TSHZ2: variants seen among roughly 807,000 people sequenced by gnomAD.
The protein encoded by TSHZ2 is teashirt zinc finger homeobox 2, also known as teashirt homolog 2.
Under a neutral mutation model 74.4 loss-of-function variants are expected in TSHZ2, and 21 were observed. That is an observed-to-expected ratio of 0.28 (90% CI 0.20 to 0.41). The LOEUF (loss-of-function observed/expected upper bound fraction) is 0.41. Among genes scored for constraint, TSHZ2 ranks in the 10% least tolerant of loss-of-function variants. The probability of loss-of-function intolerance (pLI) is 1.00; values close to 1 mark genes in which losing one functional copy is unlikely to be tolerated. For synonymous variants in TSHZ2, 540 were observed against 515.3 expected, an observed-to-expected ratio of 1.05 and a Z score of -0.65; for missense variants, 1,244 against 1,293.5, an observed-to-expected ratio of 0.96 and a Z score of 0.59.
At chr20:53,169,148 C>A (rs1988130114) in intron 1 of TSHZ2, among the ~76,000 whole-genome samples, 1 of 152,174 alleles carries the variant, frequency 6.6e-6, no homozygotes, top group South Asian at 2.1e-4. Flanking sequence ...ATCTAGGACT[C>A]ACTGGTCTCA....
chr20:53,266,319 G>T (rs1990715919), intron 2 of TSHZ2, among the ~76,000 whole-genome samples: 1 of 152,098 alleles, frequency 6.6e-6, no homozygotes. Context: ...CTGGAAACAA[G>T]AAGTTCAATT....
chr20:53,362,556 G>C (rs73278212), intron 2 of TSHZ2, among the ~76,000 whole-genome samples: 1 of 152,106 alleles, frequency 6.6e-6, no homozygotes. Flanking sequence ...ACTGTACTTC[G>C]TTCTAACTGT....
At chr20:53,043,546 TA>T (rs550659829) in intron 1 of TSHZ2, among the ~76,000 whole-genome samples, 158 of 149,938 alleles carry the variant, frequency 1.1e-3, no homozygotes, top group Admixed American at 1.7e-3. Context: ...ATCTTGCACT[TA>T]AAAAAAAAAT....
At chr20:53,454,293 G>A (rs1984954725) in intron 2 of TSHZ2, among the ~76,000 whole-genome samples, 1 of 152,154 alleles carries the variant, frequency 6.6e-6, no homozygotes, top group Non-Finnish European at 1.5e-5. Flanking sequence ...GCCAGGCGTG[G>A]TGGCTCACAC....
intron 2 of TSHZ2, among the ~76,000 whole-genome samples, chr20:53,312,535 T>TA (rs1438505890): frequency 6.6e-6 from 1 of 152,064 alleles, no homozygotes; most frequent in Non-Finnish European, 1.5e-5. Flanking sequence ...GAGGAGACAA[T>TA]AGAGAGGGAA....
At chr20:53,384,453 A>T (rs1014398874) in intron 2 of TSHZ2, among the ~76,000 whole-genome samples, 1 of 152,204 alleles carries the variant, frequency 6.6e-6, no homozygotes, top group Non-Finnish European at 1.5e-5. Flanking sequence ...TGGGGAGAGC[A>T]TCATATAGTC....
intron 1 of TSHZ2, among the ~76,000 whole-genome samples, chr20:53,032,625 T>C (rs1019631238): frequency 6.6e-6 from 1 of 152,178 alleles, no homozygotes. Flanking sequence ...TGTCAAAGCA[T>C]TTGGGGGTCA....
intron 1 of TSHZ2, among the ~76,000 whole-genome samples, chr20:53,136,205 T>C (rs1987241615): frequency 6.6e-6 from 1 of 152,172 alleles, no homozygotes; most frequent in African/African-American, 2.4e-5. Context: ...TGCACTCCCA[T>C]GTTAACCCAT....
intron 2 of TSHZ2, among the ~76,000 whole-genome samples, chr20:53,405,796 G>C (rs1254265114): frequency 1.3e-5 from 2 of 152,002 alleles, no homozygotes; most frequent in Non-Finnish European, 2.9e-5. Flanking sequence ...AGGAATTCAA[G>C]ACCAGCCTGG....
At chr20:53,288,136 C>G (rs911223798) in intron 2 of TSHZ2, among the ~76,000 whole-genome samples, 5 of 152,084 alleles carry the variant, frequency 3.3e-5, no homozygotes, top group African/African-American at 1.2e-4. Context: ...TGCAGTGGCT[C>G]ACACCTGTAA....
chr20:53,343,972 C>G (rs1455910767), intron 2 of TSHZ2, among the ~76,000 whole-genome samples: 1 of 152,230 alleles, frequency 6.6e-6, no homozygotes, highest in Non-Finnish European at 1.5e-5. Flanking sequence ...CAAAGTTTCA[C>G]TCCAGAATCT....
At chr20:53,106,202 T>C (rs1331594378) in intron 1 of TSHZ2, among the ~76,000 whole-genome samples, 1 of 152,052 alleles carries the variant, frequency 6.6e-6, no homozygotes, top group African/African-American at 2.4e-5. Context: ...CCTATCTAAC[T>C]GTAATTTTGT....
intron 1 of TSHZ2, among the ~76,000 whole-genome samples, chr20:53,003,292 G>GAAATTT (rs1246868731): frequency 2.7e-5 from 4 of 150,618 alleles, no homozygotes; most frequent in Non-Finnish European, 4.4e-5. Context: ...GTGTGTGTGT[G>GAAATTT]TGTGAAATTT....
intron 1 of TSHZ2, among the ~76,000 whole-genome samples, chr20:53,017,835 A>G (rs1324997685): frequency 3.9e-5 from 6 of 152,198 alleles, no homozygotes; most frequent in African/African-American, 1.2e-4. Context: ...TTTAGGACCA[A>G]TCACATTGTA....
At chr20:53,336,593 C>T (rs1161631459) in intron 2 of TSHZ2, among the ~76,000 whole-genome samples, 2 of 152,178 alleles carry the variant, frequency 1.3e-5, no homozygotes, top group East Asian at 1.9e-4. Context: ...CCAACACACA[C>T]CCATGTTCTT....
At chr20:53,464,796 T>C (rs769258540) in intron 2 of TSHZ2, among the ~76,000 whole-genome samples, 21 of 152,036 alleles carry the variant, frequency 1.4e-4, no homozygotes, top group Non-Finnish European at 2.8e-4. Flanking sequence ...AGACACAGTC[T>C]CACTCTGTGG....
chr20:53,169,479 C>T (rs963874328), intron 1 of TSHZ2, among the ~76,000 whole-genome samples: 1 of 152,150 alleles, frequency 6.6e-6, no homozygotes, highest in East Asian at 1.9e-4. Flanking sequence ...TCCCATTGTC[C>T]TAGGATCAAG....
chr20:53,059,773 C>T (rs752835494), intron 1 of TSHZ2, among the ~76,000 whole-genome samples: 11 of 152,092 alleles, frequency 7.2e-5, no homozygotes, highest in Non-Finnish European at 1.6e-4. Context: ...TTTATGTATG[C>T]TTAAGAAGAA....
intron 1 of TSHZ2, among the ~76,000 whole-genome samples, chr20:53,135,281 C>T (rs1193586853): frequency 6.6e-6 from 1 of 152,190 alleles, no homozygotes; most frequent in Non-Finnish European, 1.5e-5. Context: ...AAACTCCCTC[C>T]TGCTTCCCTC....
Sources: gnomAD v4.1 joint callset for allele counts (sites outside exome capture counted in the v4.1 genomes callset) on GRCh38, gnomAD v4.1.1 for gene constraint, MANE v1.5 for transcripts, NCBI Gene and HGNC (gene_info 2026-07-23, HGNC 2026-07-21) for gene names.